Variants in PTK2 observed in about 807,000 individuals in gnomAD.
PTK2 encodes protein tyrosine kinase 2, also known as focal adhesion kinase 1.
PTK2 carries 45 observed loss-of-function variants against 150.1 expected under a neutral mutation model. The ratio of observed to expected loss-of-function variants is 0.30; its 90% CI spans 0.24 to 0.38. The LOEUF is 0.38. PTK2 is among the 10% of genes least tolerant of loss of function. The pLI is 1.00. For synonymous variants in PTK2, 432 were observed against 449.2 expected (o/e 0.96, Z 0.48); for missense variants, 919 against 1,307.3 (o/e 0.70, Z 4.58).
chr8:140,728,934 T>A (rs1199870424), intron 22 of PTK2, among the ~76,000 whole-genome samples: 2 of 152,190 alleles, frequency 1.3e-5, no homozygotes, highest in Admixed American at 1.3e-4. Context: ...TTTGAAAAAT[T>A]GATACACGCA....
At chr8:140,825,325 T>A (rs1235452853) in intron 8 of PTK2, among the ~76,000 whole-genome samples, 1 of 152,198 alleles carries the variant, frequency 6.6e-6, no homozygotes, top group South Asian at 2.1e-4. Flanking sequence ...TACCAAGATA[T>A]GCATTTCTGT....
chr8:140,852,857 C>T (rs899690583), intron 5 of PTK2, among the ~76,000 whole-genome samples: 2 of 152,138 alleles, frequency 1.3e-5, no homozygotes, highest in African/African-American at 4.8e-5. Flanking sequence ...TGTTCATTCC[C>T]ACGAAAGGCA....
At chr8:140,709,518 G>A (rs1242514930) in intron 23 of PTK2, among the ~76,000 whole-genome samples, 1 of 152,178 alleles carries the variant, frequency 6.6e-6, no homozygotes. Flanking sequence ...GGCAGGCTTT[G>A]AGCCAGACTG....
intron 22 of PTK2, among the ~76,000 whole-genome samples, chr8:140,719,630 C>T (rs1251427070): frequency 1.3e-5 from 2 of 152,150 alleles, no homozygotes; most frequent in African/African-American, 4.8e-5. Context: ...TACTTGAGGG[C>T]TGCTCATTCA....
At chr8:140,699,820 T>C (rs78339741) in intron 26 of PTK2, among the ~76,000 whole-genome samples, 1 of 152,136 alleles carries the variant, frequency 6.6e-6, no homozygotes, top group East Asian at 1.9e-4. Flanking sequence ...TTTTTTTTTT[T>C]CCTTAGGAGA....
intron 17 of PTK2, 32 bp from the exon 21 acceptor site, chr8:140,746,892 C>CTTTTTTT: frequency 2.0e-6 from 2 of 989,540 alleles, no homozygotes; most frequent in Admixed American, 2.7e-5. Context: ...GTTATTCTTT[C>CTTTTTTT]TTTTTTTTTT....
At chr8:140,989,635 A>C (rs1020285869) in intron 1 of PTK2, among the ~76,000 whole-genome samples, 1 of 152,106 alleles carries the variant, frequency 6.6e-6, no homozygotes, top group Admixed American at 6.6e-5. Context: ...TCGGCTGGGC[A>C]CGGTGGCTCA....
At chr8:140,681,050 T>C (rs2100016624) in intron 27 of PTK2, among the ~76,000 whole-genome samples, 1 of 152,208 alleles carries the variant, frequency 6.6e-6, no homozygotes, top group South Asian at 2.1e-4. Context: ...GTTGGTTTGC[T>C]CAAATTAGTA....
At chr8:140,889,329 A>G (rs1286845376) in intron 3 of PTK2, among the ~76,000 whole-genome samples, 1 of 152,150 alleles carries the variant, frequency 6.6e-6, no homozygotes, top group African/African-American at 2.4e-5. Context: ...TCCTGGGTTC[A>G]AGTGTTTCTC....
At chr8:140,681,682 CAGG>C (rs2100017048) in intron 27 of PTK2, among the ~76,000 whole-genome samples, 1 of 152,026 alleles carries the variant, frequency 6.6e-6, no homozygotes, top group Non-Finnish European at 1.5e-5. Flanking sequence ...GAGGCTGAGG[CAGG>C]AGAATGGTGT....
chr8:140,954,200 G>C (rs895942041), intron 1 of PTK2, among the ~76,000 whole-genome samples: 14 of 152,126 alleles, frequency 9.2e-5, no homozygotes, highest in African/African-American at 3.4e-4. Flanking sequence ...GGCTGGTCTC[G>C]AACTCCTGAC....
intron 3 of PTK2, chr8:140,890,340 T>C: frequency 2.1e-6 from 1 of 481,884 alleles, no homozygotes; most frequent in Non-Finnish European, 3.6e-6. Flanking sequence ...TCAGTCATTA[T>C]TTTTCTAAGA....
chr8:140,990,232 A>ATTTTTTTTTTTTTTTTTTT (rs11312570), intron 1 of PTK2, among the ~76,000 whole-genome samples: 1 of 146,808 alleles, frequency 6.8e-6, no homozygotes, highest in Non-Finnish European at 1.5e-5. Context: ...TCCTTGACCA[A>ATTTTTTTTTTTTTTTTTTT]TTTTTTTTTT....
chr8:140,891,153 T>G (rs1319519646), intron 2 of PTK2, among the ~76,000 whole-genome samples: 1 of 151,932 alleles, frequency 6.6e-6, no homozygotes, highest in Non-Finnish European at 1.5e-5. Context: ...TGAAAACTTT[T>G]ACCTAAGAGA....
At chr8:140,690,341 C>T (rs1056847889) in intron 26 of PTK2, among the ~76,000 whole-genome samples, 5 of 151,944 alleles carry the variant, frequency 3.3e-5, no homozygotes, top group African/African-American at 1.2e-4. Flanking sequence ...TAGTGCATTA[C>T]AGCCTCGAAC....
At chr8:140,730,641 T>A (rs1362580208) in intron 22 of PTK2, among the ~76,000 whole-genome samples, 4 of 152,168 alleles carry the variant, frequency 2.6e-5, no homozygotes, top group African/African-American at 4.8e-5. Flanking sequence ...TTATTAAACA[T>A]CAATAAAAAG....
chr8:140,841,929 C>T (rs1046870388), intron 7 of PTK2, among the ~76,000 whole-genome samples: 2 of 151,496 alleles, frequency 1.3e-5, no homozygotes, highest in African/African-American at 4.8e-5. Flanking sequence ...TTAACCTGAA[C>T]TGAATGTCCA....
chr8:140,876,575 T>C (rs964874239), intron 4 of PTK2, among the ~76,000 whole-genome samples: 1 of 152,320 alleles, frequency 6.6e-6, no homozygotes, highest in Non-Finnish European at 1.5e-5. Flanking sequence ...ATGTCATTCA[T>C]TGATTATAAA....
intron 7 of PTK2, among the ~76,000 whole-genome samples, chr8:140,832,421 C>CGTT (rs2100116005): frequency 1.3e-5 from 2 of 152,176 alleles, no homozygotes; most frequent in Non-Finnish European, 2.9e-5. Flanking sequence ...ACCTGCGAAC[C>CGTT]TCCGGTTACT....
Sources: allele counts gnomAD v4.1 joint callset (sites outside exome capture counted in the v4.1 genomes callset), GRCh38; gene constraint gnomAD v4.1.1; transcripts MANE v1.5; gene names NCBI Gene and HGNC (gene_info 2026-07-23, HGNC 2026-07-21).